ESR1: variants seen among roughly 807,000 people sequenced by gnomAD.
The protein encoded by ESR1 is estrogen receptor.
A neutral mutation model predicts 52.7 loss-of-function variants in ESR1; 12 were observed. That is an observed-to-expected ratio of 0.23 (90% CI 0.15 to 0.37). The LOEUF (loss-of-function observed/expected upper bound fraction) is 0.37, where lower values mean the gene tolerates loss of function less well. Among genes scored for constraint, ESR1 ranks in the 10% least tolerant of loss-of-function variants. The pLI is 1.00. For missense variants in ESR1, 584 were observed against 779.7 expected (o/e 0.75, Z 2.99); for synonymous variants, 305 against 316.8 (o/e 0.96, Z 0.39).
intron 1 of ESR1, among the ~76,000 whole-genome samples, chr6:151,823,620 C>A (rs1023488438): frequency 1.2e-4 from 18 of 152,074 alleles, no homozygotes; most frequent in African/African-American, 3.4e-4. Flanking sequence ...ATCCCTCCCC[C>A]CTACCCCCAC....
intron 2 of ESR1, among the ~76,000 whole-genome samples, chr6:151,861,177 A>G (rs1326211823): frequency 6.6e-6 from 1 of 152,120 alleles, no homozygotes; most frequent in Non-Finnish European, 1.5e-5. Context: ...GTAAGTCTGC[A>G]TTTTCCATTC....
intron 3 of ESR1, among the ~76,000 whole-genome samples, chr6:151,902,181 A>G (rs1796792619): frequency 6.6e-6 from 1 of 152,174 alleles, no homozygotes; most frequent in Non-Finnish European, 1.5e-5. Context: ...CCTAAAAGTG[A>G]AAAGAGGTCA....
At chr6:152,052,543 G>A (rs1328965970) in intron 5 of ESR1, among the ~76,000 whole-genome samples, 1 of 152,102 alleles carries the variant, frequency 6.6e-6, no homozygotes, top group Non-Finnish European at 1.5e-5. Flanking sequence ...CATCAGAGTT[G>A]AGTAGCTGCC....
intron 2 of ESR1, among the ~76,000 whole-genome samples, chr6:151,843,530 C>G (rs1784634813): frequency 6.6e-6 from 1 of 152,156 alleles, no homozygotes; most frequent in Admixed American, 6.6e-5. Flanking sequence ...AAACACTAAT[C>G]ATTTTTACTA....
intron 1 of ESR1, among the ~76,000 whole-genome samples, chr6:151,829,197 C>G (rs1781986759): frequency 6.6e-6 from 1 of 152,230 alleles, no homozygotes; most frequent in Non-Finnish European, 1.5e-5. Flanking sequence ...TGTGTGCTAA[C>G]CTAGGCAATG....
chr6:151,797,005 A>G (rs1776774818), intron 2 of ESR1, among the ~76,000 whole-genome samples: 2 of 152,362 alleles, frequency 1.3e-5, no homozygotes, highest in South Asian at 4.1e-4. Flanking sequence ...TACTACAGTC[A>G]TTGTGAGTGA....
At position 151,869,837 on chromosome 6, in the gene ESR1, C is replaced by T. The variant is rs1392742398; in HGVS notation, c.644-10818C>T. On this transcript the variant is annotated intron_variant, in intron 2 of 7. Transcript: ENST00000206249. The stretch of plus-strand genomic sequence containing the variant: ...TTTAAATAATAAAAGTAAGATGTCT[C>T]TTGGAGGTGGTGGTTGTCACTGACA... Among the ~76,000 whole-genome samples the T allele has an allele frequency of 2.6e-5, 4 of 151,982 alleles. No individual in the cohort carries two copies. The South Asian group carries it at 6.2e-4, about 24-fold the overall frequency.
intron 5 of ESR1, among the ~76,000 whole-genome samples, chr6:152,016,165 C>A (rs1406415627): frequency 1.3e-5 from 2 of 152,130 alleles, no homozygotes; most frequent in African/African-American, 2.4e-5. Context: ...TGTGACTTTG[C>A]TCCTCCTTGC....
chr6:151,659,369 C>T (rs900277092), intron 1 of ESR1, among the ~76,000 whole-genome samples: 2 of 152,304 alleles, frequency 1.3e-5, no homozygotes, highest in East Asian at 1.9e-4. Flanking sequence ...GCAGGCCTTT[C>T]CTACTGGGAG....
At chr6:152,047,412 T>C (rs1056783026) in intron 5 of ESR1, among the ~76,000 whole-genome samples, 50 of 152,014 alleles carry the variant, frequency 3.3e-4, no homozygotes, top group African/African-American at 1.1e-3. Context: ...ATGGAAAGGA[T>C]AGTTAGTGGA....
intron 5 of ESR1, among the ~76,000 whole-genome samples, chr6:152,059,609 A>C: frequency 6.6e-6 from 1 of 152,282 alleles, no homozygotes; most frequent in South Asian, 2.1e-4. Context: ...CTATACCAAT[A>C]TATTCTCTTA....
intron 5 of ESR1, among the ~76,000 whole-genome samples, chr6:152,024,115 C>G (rs1210703948): frequency 6.6e-6 from 1 of 152,066 alleles, no homozygotes; most frequent in Non-Finnish European, 1.5e-5. Flanking sequence ...TCAGTTGTCT[C>G]AACACCATTT....
intron 2 of ESR1, among the ~76,000 whole-genome samples, chr6:151,845,289 C>T (rs1279995483): frequency 3.3e-5 from 5 of 152,166 alleles, no homozygotes; most frequent in African/African-American, 1.2e-4. Context: ...ACAAGTATCT[C>T]AGCTGGCGTG....
At chr6:151,988,160 T>A (rs1358457442) in intron 4 of ESR1, among the ~76,000 whole-genome samples, 1 of 152,082 alleles carries the variant, frequency 6.6e-6, no homozygotes, top group Non-Finnish European at 1.5e-5. Flanking sequence ...TACATTGCAA[T>A]ACATAAGGAA....
intron 2 of ESR1, among the ~76,000 whole-genome samples, chr6:151,712,823 C>T (rs911152026): frequency 3.9e-5 from 6 of 152,242 alleles, no homozygotes; most frequent in Middle Eastern, 3.4e-3. Flanking sequence ...TTTGAATACC[C>T]TCAATTTCTT....
chr6:151,688,996 A>G (rs1778795726), upstream of ESR1, among the ~76,000 whole-genome samples: 1 of 152,240 alleles, frequency 6.6e-6, no homozygotes, highest in South Asian at 2.1e-4. Context: ...AAGTTAATTT[A>G]TAATTTACAT....
chr6:152,078,728 C>A (rs981262571), intron 6 of ESR1, among the ~76,000 whole-genome samples: 2 of 152,214 alleles, frequency 1.3e-5, no homozygotes, highest in Non-Finnish European at 2.9e-5. Context: ...CCAAGGGAAG[C>A]TGTGACAGAC....
intron 2 of ESR1, among the ~76,000 whole-genome samples, chr6:151,864,808 A>T (rs1054713005): frequency 5.9e-5 from 9 of 152,076 alleles, no homozygotes; most frequent in Non-Finnish European, 1.0e-4. Context: ...TGAAGCTGGA[A>T]ACCATCATTC....
At chr6:151,789,099 TTAAAA>T (rs1044388423) in intron 2 of ESR1, among the ~76,000 whole-genome samples, 10 of 151,968 alleles carry the variant, frequency 6.6e-5, no homozygotes, top group Non-Finnish European at 1.0e-4. Context: ...ACCCCTGAAC[TTAAAA>T]TAAAAGTTAA....
Sources: allele counts gnomAD v4.1 joint callset (sites outside exome capture counted in the v4.1 genomes callset), GRCh38; gene constraint gnomAD v4.1.1; transcripts MANE v1.5; gene names NCBI Gene and HGNC (gene_info 2026-07-23, HGNC 2026-07-21).